Variants in CEP152 observed in about 807,000 individuals in gnomAD.
CEP152 encodes centrosomal protein 152, also known as centrosomal protein of 152 kDa.
A neutral mutation model predicts 188.9 loss-of-function variants in CEP152; 132 were observed. The ratio of observed to expected loss-of-function variants is 0.70; its 90% confidence interval spans 0.61 to 0.81. The LOEUF (loss-of-function observed/expected upper bound fraction) is 0.81. Ranked by LOEUF, CEP152 falls within the 30% of genes least tolerant of loss-of-function variation. CEP152 has a pLI of 0.00. For missense variants in CEP152, 1,914 were observed against 1,969.8 expected (o/e 0.97, Z 0.54); for synonymous variants, 649 against 666.6 (o/e 0.97, Z 0.41).
chr15:48,787,488 C>G (rs1311273024), intron 9 of CEP152, among the ~76,000 whole-genome samples: 1 of 151,886 alleles, frequency 6.6e-6, no homozygotes. Flanking sequence ...TTCCCTACTC[C>G]TATATATCCT....
intron 21 of CEP152, among the ~76,000 whole-genome samples, chr15:48,749,084 T>C (rs1431333362): frequency 6.6e-6 from 1 of 152,078 alleles, no homozygotes; most frequent in Non-Finnish European, 1.5e-5. Context: ...TAGCTGAATC[T>C]GGGACAATTT....
At position 48,738,162 on chromosome 15, in the gene CEP152, G is replaced by A. The variant is rs1892697524; in HGVS notation, c.*87C>T. On this transcript the variant is annotated 3_prime_UTR_variant, in exon 27 of 27. Transcript: ENST00000380950. ...ATGTTATTAAAACATCTCAAAAGAG[G>A]CAGGGCTCACAATTTTTTTCAGTAT... 1 of 1,336,256 alleles carries A rather than the reference G, an allele frequency of 7.5e-7. No individual in the cohort carries two copies. 82.8% of individuals were successfully genotyped at this position (1,336,256 alleles called of 1,614,324 possible). A position where few individuals can be genotyped will look rare whatever the true frequency, so the allele number is the denominator to read the frequency against.
downstream of CEP152, among the ~76,000 whole-genome samples, chr15:48,735,625 C>T (rs1411189784): frequency 1.3e-5 from 2 of 152,156 alleles, no homozygotes; most frequent in Non-Finnish European, 2.9e-5. Flanking sequence ...GTCCCAGCTA[C>T]TCGGGAGGCT....
intron 5 of CEP152, 78 bp downstream of exon 5, chr15:48,797,223 A>G: frequency 1.3e-6 from 2 of 1,521,806 alleles, no homozygotes; most frequent in Admixed American, 1.7e-5. Flanking sequence ...ACTCACATAC[A>G]TTTCCTGAAC....
chr15:48,773,052 A>G (rs1365520550), intron 12 of CEP152, among the ~76,000 whole-genome samples: 2 of 152,190 alleles, frequency 1.3e-5, no homozygotes, highest in African/African-American at 4.8e-5. Flanking sequence ...TAAGGAAGAA[A>G]AGAATACTAA....
At chr15:48,769,337 C>G (rs1001452985) in intron 13 of CEP152, among the ~76,000 whole-genome samples, 2 of 152,280 alleles carry the variant, frequency 1.3e-5, no homozygotes, top group East Asian at 3.9e-4. Context: ...GGTCCAAGAT[C>G]AAATCCATGA....
In CEP152 at chr15:48,741,407, G is replaced by A. The variant is rs571076560; in HGVS notation, c.4093+194C>T. 31 of 1,423,158 alleles carry A rather than the reference G, an allele frequency of 2.2e-5. No homozygotes were observed. The Admixed American group carries it at 2.8e-4, about 13-fold the overall frequency. 88.2% of individuals were successfully genotyped at this position (1,423,158 alleles called of 1,614,324 possible). ...ATGGAAGCAGCAATAGGAAACTGATGGGCATGCTCAGTCTGCCTACTTAAA... is the reference window on the plus strand; with the variant it reads ...ATGGAAGCAGCAATAGGAAACTGATAGGCATGCTCAGTCTGCCTACTTAAA... On this transcript the variant is annotated intron_variant, in intron 26 of 26. Transcript: ENST00000380950.
Position 48,796,152 on chromosome 15 carries a change from A to G in CEP152, c.549T>C (p.Ser183=). ...TATTATACGGTTCCAAACCTTGACA[A>G]CTGGGACCCTGTGATAACAAATGAA... The part of the protein sequence containing the change: ...DPQWNHFQGP[S]CQGLEPYNKV... The change falls in exon 6 of 27, where the codon AGT becomes AGC. Residue 183 remains serine (S), a synonymous_variant. Coordinates refer to ENST00000380950, the MANE Select transcript of CEP152 (RefSeq NM_001194998.2). 14 of 1,613,742 alleles carry G rather than the reference A, an allele frequency of 8.7e-6. No individual in the cohort carries two copies. The highest frequency in any genetic ancestry group is 1.1e-5 in the Non-Finnish European group (13 of 1,179,748).
chr15:48,750,481 T>C (rs541805290), intron 21 of CEP152, among the ~76,000 whole-genome samples: 71 of 152,300 alleles, frequency 4.7e-4, no homozygotes, highest in African/African-American at 1.7e-3. Context: ...TTGATTTAAG[T>C]GGTGCCATTT....
intron 17 of CEP152, 112 bp downstream of exon 17, chr15:48,766,948 C>T (rs1595638642): frequency 7.3e-7 from 1 of 1,368,452 alleles, no homozygotes; most frequent in South Asian, 1.2e-5. Context: ...GTAAAGAGAA[C>T]ATATGAATAC....
At chr15:48,745,840 C>T (rs1893369236) in intron 22 of CEP152, among the ~76,000 whole-genome samples, 1 of 152,170 alleles carries the variant, frequency 6.6e-6, no homozygotes, top group African/African-American at 2.4e-5. Flanking sequence ...ATTAACCTTT[C>T]TGAACTTTTC....
intron 18 of CEP152, among the ~76,000 whole-genome samples, chr15:48,762,154 C>T (rs1167197455): frequency 6.6e-6 from 1 of 152,146 alleles, no homozygotes; most frequent in Non-Finnish European, 1.5e-5. Context: ...TTAGACTAAT[C>T]TCAAAGGAGC....
intron 2 of CEP152, among the ~76,000 whole-genome samples, chr15:48,802,351 G>C (rs568751638): frequency 6.6e-6 from 1 of 152,236 alleles, no homozygotes; most frequent in South Asian, 2.1e-4. Context: ...AGTTAGTTAG[G>C]AGAAACATAA....
At chr15:48,746,912 C>A (rs1893478870) in intron 22 of CEP152, among the ~76,000 whole-genome samples, 1 of 152,088 alleles carries the variant, frequency 6.6e-6, no homozygotes, top group African/African-American at 2.4e-5. Context: ...GTTAGCCAGC[C>A]AAATGAGATC....
intron 17 of CEP152, among the ~76,000 whole-genome samples, chr15:48,766,455 A>G (rs1009071820): frequency 6.6e-6 from 1 of 152,142 alleles, no homozygotes; most frequent in Non-Finnish European, 1.5e-5. Context: ...ACTCCTGGAC[A>G]CTCACCAAGA....
At chr15:48,792,286 G>T (rs901151801) in intron 7 of CEP152, among the ~76,000 whole-genome samples, 1 of 152,132 alleles carries the variant, frequency 6.6e-6, no homozygotes, top group African/African-American at 2.4e-5. Context: ...CACCGTGCCC[G>T]ACCCACTTGG....
intron 20 of CEP152, among the ~76,000 whole-genome samples, chr15:48,755,218 T>C (rs1380716341): frequency 6.6e-6 from 1 of 152,218 alleles, no homozygotes; most frequent in South Asian, 2.1e-4. Context: ...ATTAATTCTA[T>C]ATGCACATAT....
chr15:48,756,758 T>C (rs1486771217), intron 19 of CEP152, among the ~76,000 whole-genome samples: 2 of 152,198 alleles, frequency 1.3e-5, no homozygotes, highest in East Asian at 3.8e-4. Flanking sequence ...TATGTTTATA[T>C]GTATGTATAG....
intron 14 of CEP152, 63 bp downstream of exon 14, chr15:48,768,893 T>C: frequency 8.0e-7 from 1 of 1,247,710 alleles, no homozygotes; most frequent in Non-Finnish European, 1.1e-6. Flanking sequence ...AACTCTATTA[T>C]ATCCTTTGTA....
Sources: gnomAD v4.1 joint callset for allele counts (sites outside exome capture counted in the v4.1 genomes callset) on GRCh38, gnomAD v4.1.1 for gene constraint, MANE v1.5 for transcripts, NCBI Gene and HGNC (gene_info 2026-07-23, HGNC 2026-07-21) for gene names.